Variants in ERBB4 observed in about 807,000 individuals in gnomAD.
The protein encoded by ERBB4 is erb-b2 receptor tyrosine kinase 4, also known as receptor tyrosine-protein kinase erbB-4.
Under a neutral mutation model 158.0 loss-of-function variants are expected in ERBB4, and 42 were observed. That is an observed-to-expected ratio of 0.27 (90% CI 0.21 to 0.34). ERBB4 has a LOEUF of 0.34. ERBB4 is among the 10% of genes least tolerant of loss of function. The pLI, the probability that ERBB4 is intolerant of heterozygous loss-of-function variation, is 1.00. For synonymous variants in ERBB4, 583 were observed against 558.7 expected, an observed-to-expected ratio of 1.04 and a Z score of -0.61; for missense variants, 1,333 against 1,624.1, an observed-to-expected ratio of 0.82 and a Z score of 3.08.
intron 16 of ERBB4, among the ~76,000 whole-genome samples, chr2:211,656,489 GTTGA>G (rs1317831305): frequency 3.3e-5 from 5 of 152,108 alleles, no homozygotes; most frequent in African/African-American, 1.2e-4. Flanking sequence ...TAAAAGTCAG[GTTGA>G]TTGAAGTATA....
In ERBB4 at chr2:211,668,412, C is replaced by T. The variant is rs189435827; in HGVS notation, c.1717-2935G>A. 5.9e-5 allele frequency among the ~76,000 whole-genome samples: 9 copies of T among 152,250 alleles called. No individual in the cohort carries two copies. In the South Asian group the frequency reaches 1.0e-3, roughly 18 times the overall value. On this transcript the variant is annotated intron_variant, in intron 14 of 27. Transcript: ENST00000342788. ...ATACCTGTGTCTAATGTTTACTCTT[C>T]TTTCATTATATTCCCAAAGGCTTTA...
chr2:212,286,857 A>C (rs1344086303), intron 1 of ERBB4, among the ~76,000 whole-genome samples: 9 of 144,286 alleles, frequency 6.2e-5, no homozygotes, highest in South Asian at 2.2e-4. Context: ...GCGATCCGCC[A>C]GCCTCTGCCT....
chr2:211,655,398 C>G (rs1391956704), intron 16 of ERBB4, among the ~76,000 whole-genome samples: 1 of 152,120 alleles, frequency 6.6e-6, no homozygotes, highest in Non-Finnish European at 1.5e-5. Context: ...AGGCACTGTT[C>G]TAAGGACACA....
At chr2:212,060,705 C>G (rs1272907054) in intron 2 of ERBB4, among the ~76,000 whole-genome samples, 1 of 149,326 alleles carries the variant, frequency 6.7e-6, no homozygotes, top group Non-Finnish European at 1.5e-5. Context: ...CAAATTATCT[C>G]AAGGATAAAA....
intron 3 of ERBB4, among the ~76,000 whole-genome samples, chr2:211,825,111 GAGA>G (rs2077071198): frequency 6.6e-6 from 1 of 151,838 alleles, no homozygotes. Context: ...TTTTCCATAA[GAGA>G]AGAAAAGGAC....
chr2:212,454,835 T>G, intron 1 of ERBB4, among the ~76,000 whole-genome samples: 1 of 152,142 alleles, frequency 6.6e-6, no homozygotes, highest in East Asian at 1.9e-4. Flanking sequence ...TGGACTCAAT[T>G]TTTGTGAAAA....
At chr2:212,474,286 A>T (rs1004619262) in intron 1 of ERBB4, among the ~76,000 whole-genome samples, 2 of 152,014 alleles carry the variant, frequency 1.3e-5, no homozygotes, top group Admixed American at 6.6e-5. Context: ...TGATTGTTTA[A>T]TTGAAACATT....
chr2:211,712,612 C>T (rs1461603294), intron 8 of ERBB4, among the ~76,000 whole-genome samples: 4 of 152,034 alleles, frequency 2.6e-5, no homozygotes, highest in Non-Finnish European at 5.9e-5. Context: ...CTACAACCTG[C>T]AATTTTAAAA....
chr2:211,846,476 T>G (rs1167458747), intron 3 of ERBB4, among the ~76,000 whole-genome samples: 2 of 152,128 alleles, frequency 1.3e-5, no homozygotes, highest in Non-Finnish European at 2.9e-5. Context: ...GCTAATGTCC[T>G]CTCAGCTTAA....
chr2:211,477,481 G>A (rs1376880747), intron 20 of ERBB4, among the ~76,000 whole-genome samples: 1 of 152,066 alleles, frequency 6.6e-6, no homozygotes, highest in African/African-American at 2.4e-5. Flanking sequence ...ACAGTGTTTG[G>A]GGATGTTCAT....
chr2:212,487,145 A>G (rs1690020360), intron 1 of ERBB4, among the ~76,000 whole-genome samples: 1 of 152,128 alleles, frequency 6.6e-6, no homozygotes, highest in South Asian at 2.1e-4. Flanking sequence ...CTGATTCTAC[A>G]AAGACAGTAC....
intron 1 of ERBB4, among the ~76,000 whole-genome samples, chr2:212,365,483 T>A (rs1157563941): frequency 6.6e-6 from 1 of 151,816 alleles, no homozygotes; most frequent in Non-Finnish European, 1.5e-5. Context: ...TTAAAAATAG[T>A]GGCAATCTAT....
intron 20 of ERBB4, among the ~76,000 whole-genome samples, chr2:211,470,142 C>T (rs2064796688): frequency 6.6e-6 from 1 of 152,014 alleles, no homozygotes; most frequent in Non-Finnish European, 1.5e-5. Context: ...TGGTTGGCTG[C>T]AGCAATCAAA....
chr2:211,697,243 A>T (rs1430126020), intron 12 of ERBB4, among the ~76,000 whole-genome samples: 1 of 152,192 alleles, frequency 6.6e-6, no homozygotes, highest in Non-Finnish European at 1.5e-5. Context: ...CTAAAGTCAA[A>T]AAGGAGAGAT....
At chr2:211,449,768 G>A (rs1380937551) in intron 20 of ERBB4, among the ~76,000 whole-genome samples, 1 of 152,108 alleles carries the variant, frequency 6.6e-6, no homozygotes, top group African/African-American at 2.4e-5. Context: ...CTTTGCCTAG[G>A]GAAGGATAAC....
At chr2:211,913,767 A>G (rs1435606548) in intron 3 of ERBB4, among the ~76,000 whole-genome samples, 1 of 151,634 alleles carries the variant, frequency 6.6e-6, no homozygotes, top group Non-Finnish European at 1.5e-5. Context: ...GAAAAATGAA[A>G]GAACTGAATG....
intron 19 of ERBB4, among the ~76,000 whole-genome samples, chr2:211,602,767 A>C (rs1413588163): frequency 1.3e-5 from 2 of 152,136 alleles, no homozygotes; most frequent in Non-Finnish European, 2.9e-5. Flanking sequence ...ATGAAATACT[A>C]AACTAAGAAG....
intron 1 of ERBB4, among the ~76,000 whole-genome samples, chr2:212,397,189 G>T (rs1277222342): frequency 6.6e-6 from 1 of 151,882 alleles, no homozygotes; most frequent in African/African-American, 2.4e-5. Flanking sequence ...AATACATATT[G>T]CTAGGCAGGC....
intron 1 of ERBB4, among the ~76,000 whole-genome samples, chr2:212,345,276 A>AAAAAAAAAAAAAAAAAAAAAAAAAAAAC: frequency 6.7e-6 from 1 of 149,896 alleles, no homozygotes; most frequent in Non-Finnish European, 1.5e-5. Context: ...AAAAAAAAAA[A>AAAAAAAAAAAAAAAAAAAAAAAAAAAAC]AGCACTAAAC....
Sources: allele counts gnomAD v4.1 joint callset (sites outside exome capture counted in the v4.1 genomes callset), GRCh38; gene constraint gnomAD v4.1.1; transcripts MANE v1.5; gene names NCBI Gene and HGNC (gene_info 2026-07-23, HGNC 2026-07-21).